TMEFF1: variants seen among roughly 807,000 people sequenced by gnomAD.
TMEFF1 encodes the protein transmembrane protein with EGF like and two follistatin like domains 1, also known as tomoregulin-1.
Under a neutral mutation model 47.5 loss-of-function variants are expected in TMEFF1, and 20 were observed. The ratio of observed to expected loss-of-function variants is 0.42; its 90% CI spans 0.30 to 0.61. The LOEUF (loss-of-function observed/expected upper bound fraction) is 0.61. TMEFF1 is among the 20% of genes least tolerant of loss of function. TMEFF1 has a pLI of 0.19. For synonymous variants in TMEFF1, 162 were observed against 166.3 expected (o/e 0.97, Z 0.20); for missense variants, 411 against 471.1 (o/e 0.87, Z 1.18).
Position 100,473,238 on chromosome 9 carries a change from C to T in TMEFF1, c.-307C>T, listed in dbSNP as rs1394604904. 2 of 149,364 alleles carry T rather than the reference C, an allele frequency of 1.3e-5. No individual in the cohort carries two copies. The highest frequency in any genetic ancestry group is 3.0e-5 in the Non-Finnish European group (2 of 66,706). The allele number at this position is 149,364 out of a possible 1,614,324, so 9.3% of individuals were successfully genotyped here. ...TGGGCCTGCCTCCGGCCCGCGACCC[C>T]CGCCCGCCGCGCGCGCGCCCGCCCG... On this transcript the variant is annotated 5_prime_UTR_variant, in exon 1 of 10. Transcript: ENST00000374879. The surrounding 1 kb of genome is among the most constrained non-coding windows in gnomAD (Gnocchi z 5.4).
At chr9:100,492,478 G>T (rs1389838472) in intron 1 of TMEFF1, among the ~76,000 whole-genome samples, 1 of 152,212 alleles carries the variant, frequency 6.6e-6, no homozygotes, top group East Asian at 1.9e-4. Context: ...AGTGCTCATG[G>T]ATGTTCTAGA....
intron 7 of TMEFF1, among the ~76,000 whole-genome samples, chr9:100,556,525 G>A (rs934009711): frequency 6.6e-6 from 1 of 151,976 alleles, no homozygotes; most frequent in African/African-American, 2.4e-5. Context: ...AGAGGGGAGA[G>A]GGTAAACAGA....
chr9:100,522,430 C>CTTTTTTTTTTTTT (rs869111876), intron 5 of TMEFF1, among the ~76,000 whole-genome samples: 3 of 69,642 alleles, frequency 4.3e-5, no homozygotes, highest in Non-Finnish European at 7.9e-5. Context: ...GAAATATCTT[C>CTTTTTTTTTTTTT]TTTTTTTTTT....
chr9:100,573,719 C>T (rs1261845503), intron 9 of TMEFF1, among the ~76,000 whole-genome samples: 1 of 152,184 alleles, frequency 6.6e-6, no homozygotes, highest in African/African-American at 2.4e-5. Context: ...TCAGTAGTCT[C>T]AGCCATCTGG....
At chr9:100,483,481 G>A (rs1345145456) in intron 1 of TMEFF1, among the ~76,000 whole-genome samples, 1 of 146,356 alleles carries the variant, frequency 6.8e-6, no homozygotes, top group Non-Finnish European at 1.5e-5. Flanking sequence ...TGGGCAACAA[G>A]AGAGAAACAA....
chr9:100,498,684 T>G, intron 1 of TMEFF1, 81 bp from the exon 2 acceptor site: 1 of 1,250,314 alleles, frequency 8.0e-7, no homozygotes, highest in East Asian at 2.5e-5. Flanking sequence ...GACTTTTTCA[T>G]ACACACACAC....
At chr9:100,561,252 C>A in intron 7 of TMEFF1, 145 bp from the exon 8 acceptor site, 1 of 1,383,952 alleles carries the variant, frequency 7.2e-7, no homozygotes, top group Non-Finnish European at 9.6e-7. Context: ...TCTTATCTAA[C>A]CCCCTATCTG....
chr9:100,527,991 C>T (rs369871563), intron 5 of TMEFF1, among the ~76,000 whole-genome samples: 1 of 151,690 alleles, frequency 6.6e-6, no homozygotes, highest in Non-Finnish European at 1.5e-5. Context: ...ACTGACACCT[C>T]ACACGGCAGG....
intron 5 of TMEFF1, among the ~76,000 whole-genome samples, chr9:100,534,974 A>G (rs527423618): frequency 3.3e-5 from 5 of 152,196 alleles, no homozygotes; most frequent in East Asian, 1.9e-4. Flanking sequence ...TGGTAAATAT[A>G]TCAGGCTTAG....
chr9:100,547,859 C>A lies in TMEFF1; in HGVS notation c.676C>A (p.Gln226Lys). 6.2e-7 allele frequency: 1 copy of A among 1,606,568 alleles called. No individual in the cohort carries two copies. The highest frequency in any genetic ancestry group is 8.5e-7 in the Non-Finnish European group (1 of 1,177,466). ...AGAAGCATCTTGTATAAAGCAAGAA[C>A]AAATTGATATAAGGCATCTTGGTCA... is the stretch of plus-strand genomic sequence containing the variant. ...VREASCIKQE[Q>K]IDIRHLGHCT... The change falls in exon 6 of 10, where the codon CAA (glutamine) becomes AAA (lysine). Residue 226 changes from glutamine (Q) to lysine (K), a missense_variant. Coordinates refer to ENST00000374879, the MANE Select transcript of TMEFF1 (RefSeq NM_003692.5).
chr9:100,509,667 G>A (rs139829693), intron 3 of TMEFF1, among the ~76,000 whole-genome samples: 2,492 of 151,980 alleles, frequency 0.016, 34 homozygotes, highest in Non-Finnish European at 0.024. Context: ...CCAGCTACTC[G>A]GGAGGCTGAG....
At chr9:100,513,594 A>T (rs977155369) in intron 4 of TMEFF1, among the ~76,000 whole-genome samples, 1 of 152,114 alleles carries the variant, frequency 6.6e-6, no homozygotes, top group Non-Finnish European at 1.5e-5. Context: ...CTCCTTAGCC[A>T]TCACTCCTAA....
intron 4 of TMEFF1, among the ~76,000 whole-genome samples, chr9:100,514,686 A>AC (rs199779857): frequency 3.2e-5 from 4 of 123,766 alleles, no homozygotes; most frequent in Non-Finnish European, 6.8e-5. Context: ...CCCTGTCTCT[A>AC]CCCCAAAAAA....
chr9:100,483,906 ATAGT>A (rs1837392157), intron 1 of TMEFF1, among the ~76,000 whole-genome samples: 1 of 152,120 alleles, frequency 6.6e-6, no homozygotes, highest in African/African-American at 2.4e-5. Flanking sequence ...TCTTAATTAA[ATAGT>A]TAAACTTCCA....
intron 1 of TMEFF1, among the ~76,000 whole-genome samples, chr9:100,496,251 C>CT (rs767018317): frequency 9.9e-5 from 15 of 152,002 alleles, no homozygotes; most frequent in South Asian, 4.2e-4. Context: ...ATGCCAAGTT[C>CT]TTTTTTTTGA....
chr9:100,560,229 G>T (rs1350980417), intron 7 of TMEFF1, among the ~76,000 whole-genome samples: 4 of 152,184 alleles, frequency 2.6e-5, no homozygotes, highest in Admixed American at 2.6e-4. Flanking sequence ...TGGTGGTATT[G>T]TACATGCATT....
intron 5 of TMEFF1, 23 bp from the exon 6 acceptor site, chr9:100,547,721 G>T: frequency 6.8e-7 from 1 of 1,464,206 alleles, no homozygotes; most frequent in Non-Finnish European, 9.1e-7. Context: ...TAAAATATAG[G>T]TAATTTTTGT....
intron 5 of TMEFF1, among the ~76,000 whole-genome samples, chr9:100,537,455 G>A (rs1034612950): frequency 1.1e-4 from 16 of 152,324 alleles, no homozygotes; most frequent in Middle Eastern, 3.4e-3. Context: ...TAGAGTCAAT[G>A]GGTGGAAATT....
intron 9 of TMEFF1, among the ~76,000 whole-genome samples, chr9:100,574,585 G>A (rs568803251): frequency 1.3e-5 from 2 of 151,568 alleles, no homozygotes; most frequent in Non-Finnish European, 2.9e-5. Flanking sequence ...CCATGTTGCC[G>A]AGGCTGGTCT....
Sources: allele counts gnomAD v4.1 joint callset (sites outside exome capture counted in the v4.1 genomes callset), GRCh38; gene constraint gnomAD v4.1.1; non-coding constraint Gnocchi (gnomAD v3.1); transcripts MANE v1.5; gene names NCBI Gene and HGNC (gene_info 2026-07-23, HGNC 2026-07-21).